MYOC: variants seen among roughly 807,000 people sequenced by gnomAD.
The protein encoded by MYOC is juvenile-onset open-angle glaucoma 1.
MYOC carries 29 observed loss-of-function variants against 28.2 expected under a neutral mutation model. The observed-to-expected ratio is 1.03, with a 90% CI of 0.77 to 1.40. The LOEUF (loss-of-function observed/expected upper bound fraction) is 1.40, where lower values mean the gene tolerates loss of function less well. Among genes scored for constraint, MYOC ranks in the 40% most tolerant of loss-of-function variants. MYOC has a pLI of 0.00. For missense variants in MYOC, 569 were observed against 620.6 expected, an observed-to-expected ratio of 0.92 and a Z score of 0.88; for synonymous variants, 240 against 245.6, an observed-to-expected ratio of 0.98 and a Z score of 0.21.
intron 1 of MYOC, among the ~76,000 whole-genome samples, chr1:171,639,370 A>G (rs190332782): frequency 4.9e-4 from 75 of 152,306 alleles, no homozygotes; most frequent in African/African-American, 1.6e-3. Context: ...TCAAAATCAA[A>G]TAATATTTTA....
Position 171,636,603 on chromosome 1 carries a change from G to A in MYOC, c.837C>T (p.Pro279=), listed in dbSNP as rs1652929464. Residue 279 remains proline, a synonymous_variant, in exon 3 of 3, where the codon CCC becomes CCT. Transcript: ENST00000037502. ...VWMRDPKPTY[P]YTQETTWRID... ...TTCTCCACGTGGTCTCCTGGGTGTA[G>A]GGGTAGGTGGGCTTGGGGTCTCGCA... 1 of 1,613,118 alleles carries A rather than the reference G, an allele frequency of 6.2e-7. No individual in the cohort carries two copies. Among genetic ancestry groups the A allele is most frequent in the Admixed American group, 1.7e-5 (1 of 59,990 alleles).
At chr1:171,644,905 A>T (rs879645650) in intron 1 of MYOC, among the ~76,000 whole-genome samples, 5 of 152,168 alleles carry the variant, frequency 3.3e-5, no homozygotes, top group Non-Finnish European at 7.3e-5. Flanking sequence ...GCCCAAGGTC[A>T]CACAGCTAAG....
intron 1 of MYOC, among the ~76,000 whole-genome samples, chr1:171,646,786 C>T (rs766608741): frequency 1.3e-5 from 2 of 152,116 alleles, no homozygotes; most frequent in Non-Finnish European, 2.9e-5. Context: ...TGAGCCACCA[C>T]GCCCAGCTGT....
intron 1 of MYOC, among the ~76,000 whole-genome samples, chr1:171,646,734 A>G (rs1216090128): frequency 6.6e-6 from 1 of 152,102 alleles, no homozygotes; most frequent in African/African-American, 2.4e-5. Context: ...TGACCTCGTG[A>G]TCCGCCTGCC....
At chr1:171,645,861 C>A (rs186724327) in intron 1 of MYOC, among the ~76,000 whole-genome samples, 2 of 152,386 alleles carry the variant, frequency 1.3e-5, no homozygotes, top group Non-Finnish European at 2.9e-5. Flanking sequence ...TGAATCCCAC[C>A]ATGGCCCTTA....
chr1:171,639,110 T>G lies in MYOC; in HGVS notation c.605-388A>C, dbSNP rs1653013004. Among the ~76,000 whole-genome samples, 3 of 152,156 alleles carry G rather than the reference T, an allele frequency of 2.0e-5. No individual in the cohort carries two copies. In the South Asian group the frequency reaches 6.2e-4, roughly 32 times the overall value. On this transcript the variant is annotated intron_variant, in intron 1 of 2. Transcript: ENST00000037502. Reference sequence around the variant, plus strand: ...AAACTCTGTCTGAAAACTAACTAACTAAATAAATAGGCTCCCAAAGATATG... The same window carrying G: ...AAACTCTGTCTGAAAACTAACTAACGAAATAAATAGGCTCCCAAAGATATG...
chr1:171,652,501 G>C lies in MYOC; in HGVS notation c.111C>G (p.Leu37=). The change falls in exon 1 of 3, where the codon CTC becomes CTG. Residue 37 remains leucine, a synonymous_variant. Transcript: ENST00000037502. ...VWDVGARTAQ[L]RKANDQSGRC... ...GGCCACTCTGGTCATTGGCCTTCCT[G>C]AGCTGAGCTGTCCTGGCCCCCACAT... The C allele has an allele frequency of 1.9e-6, 3 of 1,614,196 alleles. No homozygotes were observed. The highest frequency in any genetic ancestry group is 2.5e-6 in the Non-Finnish European group (3 of 1,180,042).
chr1:171,644,150 C>T (rs1030263285), intron 1 of MYOC, among the ~76,000 whole-genome samples: 1 of 151,916 alleles, frequency 6.6e-6, no homozygotes, highest in African/African-American at 2.4e-5. Context: ...ACTAAAATTT[C>T]TCTGGAATGT....
chr1:171,636,803 G>A, intron 2 of MYOC, 94 bp from the exon 3 acceptor site: 1 of 1,342,544 alleles, frequency 7.4e-7, no homozygotes, highest in African/African-American at 1.4e-5. Flanking sequence ...AGAGCCAGTA[G>A]ATGTGACAGC....
At chr1:171,641,641 G>A (rs1211390678) in intron 1 of MYOC, among the ~76,000 whole-genome samples, 5 of 152,270 alleles carry the variant, frequency 3.3e-5, no homozygotes, top group Admixed American at 2.0e-4. Flanking sequence ...TCCCTCTCAC[G>A]TTTGCAAGGC....
At chr1:171,644,882 G>T (rs1429744161) in intron 1 of MYOC, among the ~76,000 whole-genome samples, 1 of 152,144 alleles carries the variant, frequency 6.6e-6, no homozygotes, top group Non-Finnish European at 1.5e-5. Context: ...GGTTCAGAGA[G>T]GTTAAGTAAC....
chr1:171,651,517 A>T (rs1043113682), intron 1 of MYOC, among the ~76,000 whole-genome samples: 2 of 152,206 alleles, frequency 1.3e-5, no homozygotes, highest in African/African-American at 4.8e-5. Context: ...ACTGACAGAG[A>T]GGTGCCATCT....
intron 1 of MYOC, among the ~76,000 whole-genome samples, chr1:171,643,787 A>G (rs563110935): frequency 6.7e-6 from 1 of 150,138 alleles, no homozygotes; most frequent in African/African-American, 2.4e-5. Flanking sequence ...CCTGACCAAC[A>G]TGCTGAAACC....
rs1214518549 is a variant in MYOC, at chr1:171,636,114, G to A, written c.1326C>T (p.Tyr442=). 6.2e-7 allele frequency: 1 copy of A among 1,614,202 alleles called. No homozygotes were observed. Among genetic ancestry groups the A allele is most frequent in the Non-Finnish European group, 8.5e-7 (1 of 1,180,040 alleles). ...ICGTLYTVSS[Y]TSADATVNFA... ...AGTTGACGGTAGCATCTGCTGAGGT[G>A]TAGCTGCTGACGGTGTACAAGGTGC... Residue 442 remains tyrosine (Y), a synonymous_variant, in exon 3 of 3, where the codon TAC becomes TAT. Transcript: ENST00000037502.
chr1:171,648,545 G>C (rs2102949669), intron 1 of MYOC, among the ~76,000 whole-genome samples: 1 of 148,698 alleles, frequency 6.7e-6, no homozygotes, highest in South Asian at 2.1e-4. Flanking sequence ...TCCAAAGCAG[G>C]GGCTAAATAA....
chr1:171,643,302 G>A (rs927142337), intron 1 of MYOC: 1 of 152,412 alleles, frequency 6.6e-6, no homozygotes, highest in African/African-American at 2.4e-5. Context: ...CAGGGTGCCC[G>A]AGGTTCCCTG....
chr1:171,647,453 G>A (rs235880), intron 1 of MYOC, among the ~76,000 whole-genome samples: 92,764 of 148,456 alleles, frequency 0.62, 28,659 homozygotes, highest in Middle Eastern at 0.74. Flanking sequence ...GAATCCAGGA[G>A]GTGGAGGTTG....
chr1:171,645,361 CTTGCCACACG>C (rs1653175263), intron 1 of MYOC, among the ~76,000 whole-genome samples: 1 of 152,164 alleles, frequency 6.6e-6, no homozygotes, highest in Non-Finnish European at 1.5e-5. Context: ...CCACCATGCC[CTTGCCACACG>C]TTGCAGGTTG....
rs748675180 is a variant in MYOC at position 171,652,458 on chromosome 1, T to C, written c.154A>G (p.Ser52Gly). 1.1e-5 allele frequency: 18 copies of C among 1,614,232 alleles called. No homozygotes were observed. The East Asian group carries it at 4.0e-4, about 36-fold the overall frequency. Residue 52 changes from serine to glycine, a missense_variant, in exon 1 of 3, where the codon AGT (serine) becomes GGT (glycine). By Grantham distance (56) the Ser-to-Gly change is moderately conservative. Transcript: ENST00000037502. The stretch of plus-strand genomic sequence containing the variant: ...CTGGATTCATTGGGACTGGCCACAC[T>C]GAAGGTATACTGGCATCGGCCACTC... ...DQSGRCQYTF[S>G]VASPNESSCP...
Sources: allele counts gnomAD v4.1 joint callset (sites outside exome capture counted in the v4.1 genomes callset), GRCh38; gene constraint gnomAD v4.1.1; transcripts MANE v1.5; gene names NCBI Gene and HGNC (gene_info 2026-07-23, HGNC 2026-07-21).